FAM149B1: variants seen among roughly 807,000 people sequenced by gnomAD.
FAM149B1 encodes family with sequence similarity 149 member B1.
Under a neutral mutation model 75.3 loss-of-function variants are expected in FAM149B1, and 56 were observed. The ratio of observed to expected loss-of-function variants is 0.74; its 90% CI spans 0.60 to 0.93. FAM149B1 has a LOEUF of 0.93. Among genes scored for constraint, FAM149B1 ranks in the 40% least tolerant of loss-of-function variants. The pLI, the probability that FAM149B1 is intolerant of heterozygous loss-of-function variation, is 0.00. For synonymous variants in FAM149B1, 259 were observed against 256.1 expected (o/e 1.01, Z -0.11); for missense variants, 639 against 708.4 (o/e 0.90, Z 1.11).
chr10:73,171,532 CAT>C (rs1843715788), intron 1 of FAM149B1, among the ~76,000 whole-genome samples: 1 of 151,992 alleles, frequency 6.6e-6, no homozygotes, highest in Non-Finnish European at 1.5e-5. Flanking sequence ...CAAACATAAA[CAT>C]ATAGAGAATA....
At chr10:73,224,787 A>G (rs2133389737) in intron 7 of FAM149B1, among the ~76,000 whole-genome samples, 1 of 152,212 alleles carries the variant, frequency 6.6e-6, no homozygotes, top group Admixed American at 6.5e-5. Context: ...GTTATTTTGA[A>G]AAACAGGCAG....
chr10:73,180,018 A>G (rs1411061499), intron 3 of FAM149B1, among the ~76,000 whole-genome samples: 1 of 152,154 alleles, frequency 6.6e-6, no homozygotes, highest in Non-Finnish European at 1.5e-5. Context: ...GGCCTTGGGA[A>G]TATGGGGTGA....
chr10:73,208,636 A>G lies in FAM149B1; in HGVS notation c.560A>G (p.Lys187Arg), dbSNP rs1469354094. 3.3e-6 allele frequency: 5 copies of G among 1,532,678 alleles called. No homozygotes were observed. In the South Asian group the frequency reaches 6.2e-5, roughly 19 times the overall value. The allele number at this position is 1,532,678 out of a possible 1,614,324, so 94.9% of individuals were successfully genotyped here. ...ACTCCAAGATTTGGTATAAGGGGAA[A>G]GAAGTTACATTTTTCATCTTCTTAT... Reference protein sequence around the residue: ...RDSTIFGIRGKKLHFSSSYAH... With the variant: ...RDSTIFGIRGRKLHFSSSYAH... The change falls in exon 6 of 14, where the codon AAG becomes AGG. Residue 187 changes from lysine (K) to arginine (R), a missense_variant. By Grantham distance (26) the Lys-to-Arg change is conservative. Transcript: ENST00000242505.
In FAM149B1 at chr10:73,174,690, A is replaced by T. The variant is rs1017476453; in HGVS notation, c.51A>T (p.Lys17Asn). 3 of 1,545,512 alleles carry T rather than the reference A, an allele frequency of 1.9e-6. No homozygotes were observed. In the African/African-American group the frequency reaches 4.1e-5, roughly 21 times the overall value. The change falls in exon 2 of 14, where the codon AAA (lysine) becomes AAT (asparagine). Residue 17 changes from lysine to asparagine, a missense_variant. Lys to Asn is a moderately conservative substitution (Grantham distance 94, BLOSUM62 0). Transcript: ENST00000242505. ...AACTTTGTTTTGTCTTTCACAGGAA[A>T]GGAATAACAAAACATGCTCTTAACC... ...RKAVPQSLELKGITKHALNHH... is the reference protein window; with the variant it reads ...RKAVPQSLELNGITKHALNHH...
rs192585458 is a variant in FAM149B1 at position 73,230,710 on chromosome 10, A to G, written c.1127+185A>G. 1.1e-5 allele frequency: 6 copies of G among 528,038 alleles called. No individual in the cohort carries two copies. The Admixed American group carries it at 1.9e-4, about 17-fold the overall frequency. The allele number at this position is 528,038 out of a possible 1,614,324, so 32.7% of individuals were successfully genotyped here. A position where few individuals can be genotyped will look rare whatever the true frequency, so the allele number is the denominator to read the frequency against. On this transcript the variant is annotated intron_variant, in intron 9 of 13. Coordinates refer to ENST00000242505, the MANE Select transcript of FAM149B1 (RefSeq NM_173348.2). Reference sequence around the variant, plus strand: ...CTGATAATGTAACTGGAAAGAGAAGACATACGTGGGTAAAAAAAGACCTAA... The same window carrying G: ...CTGATAATGTAACTGGAAAGAGAAGGCATACGTGGGTAAAAAAAGACCTAA...
At position 73,243,901 on chromosome 10, in the gene FAM149B1, A is replaced by AT; in HGVS notation, c.*2885dup. The AT allele has an allele frequency of 6.2e-7, 1 of 1,614,118 alleles. No individual in the cohort carries two copies. The highest frequency in any genetic ancestry group is 1.1e-5 in the South Asian group (1 of 91,070). ...ATCAAGCCCCAACTCCTTTCTGCTC[A>AT]TTTCTGCTTCTTTGGCCTCTTCCTG... On this transcript the variant is annotated 3_prime_UTR_variant, in exon 14 of 14. Transcript: ENST00000242505.
At chr10:73,175,344 T>C (rs1278563355) in intron 2 of FAM149B1, among the ~76,000 whole-genome samples, 1 of 152,132 alleles carries the variant, frequency 6.6e-6, no homozygotes, top group Non-Finnish European at 1.5e-5. Context: ...TACTCCAGCC[T>C]GGGTGAAAGA....
intron 7 of FAM149B1, among the ~76,000 whole-genome samples, chr10:73,213,214 T>C (rs2043227025): frequency 6.6e-6 from 1 of 152,250 alleles, no homozygotes; most frequent in Non-Finnish European, 1.5e-5. Context: ...GAAATCCTTG[T>C]AGATTCTGGA....
intron 7 of FAM149B1, among the ~76,000 whole-genome samples, chr10:73,212,878 T>C (rs2043217439): frequency 6.6e-6 from 1 of 152,162 alleles, no homozygotes. Flanking sequence ...TCTCTCTCTC[T>C]GTCACCCAGG....
intron 5 of FAM149B1, among the ~76,000 whole-genome samples, chr10:73,203,637 A>G (rs975644251): frequency 1.4e-5 from 2 of 146,092 alleles, no homozygotes; most frequent in African/African-American, 5.4e-5. Context: ...CAATTCTGTG[A>G]TCATAATTTT....
intron 5 of FAM149B1, 34 bp downstream of exon 5, chr10:73,193,627 C>T (rs776486143): frequency 1.1e-4 from 166 of 1,537,656 alleles, no homozygotes; most frequent in Non-Finnish European, 1.4e-4. Context: ...CTTCAATGTG[C>T]CCTAATATGC....
chr10:73,220,708 G>T (rs926841536), intron 7 of FAM149B1, among the ~76,000 whole-genome samples: 1 of 152,170 alleles, frequency 6.6e-6, no homozygotes, highest in South Asian at 2.1e-4. Context: ...TGGTGTCCTT[G>T]TAAGAAGAGG....
rs555075017 is a variant in FAM149B1 at position 73,228,219 on chromosome 10, G to T, written c.1023+35G>T. The T allele has an allele frequency of 2.7e-5, 41 of 1,544,178 alleles. 1 individual carries two copies. The African/African-American group carries it at 4.9e-4, about 19-fold the overall frequency. On this transcript the variant is annotated intron_variant, in intron 8 of 13. Coordinates refer to ENST00000242505, the MANE Select transcript of FAM149B1 (RefSeq NM_173348.2). ...AGAGGGATCAGTTGGAGACCCCAGG[G>T]CTACTCTCACCAGAGGAAATTTGCT...
At position 73,208,602 on chromosome 10, in the gene FAM149B1, CT is replaced by C; in HGVS notation, c.543-11del. 2.7e-6 allele frequency: 4 copies of C among 1,471,454 alleles called. No homozygotes were observed. Among genetic ancestry groups the C allele is most frequent in the Non-Finnish European group, 1.8e-6 (2 of 1,097,100 alleles). The allele number at this position is 1,471,454 out of a possible 1,614,324, so 91.1% of individuals were successfully genotyped here. A position where few individuals can be genotyped will look rare whatever the true frequency, so the allele number is the denominator to read the frequency against. ...ATGTTTACATAATTAATATTTACTT[CT>C]TTTTTCCACTCCAAGATTTGGTATA... On this transcript the variant is annotated splice_polypyrimidine_tract_variant and intron_variant, in intron 5 of 13. Coordinates refer to ENST00000242505, the MANE Select transcript of FAM149B1 (RefSeq NM_173348.2).
Position 73,235,332 on chromosome 10 carries a change from C to T in FAM149B1, c.1602+14C>T. The T allele has an allele frequency of 1.3e-6, 2 of 1,551,516 alleles. No individual in the cohort carries two copies. The highest frequency in any genetic ancestry group is 1.7e-6 in the Non-Finnish European group (2 of 1,147,014). On this transcript the variant is annotated intron_variant, in intron 12 of 13. Coordinates refer to ENST00000242505, the MANE Select transcript of FAM149B1 (RefSeq NM_173348.2). ...CAATCATTTTTGGTAGAGTGACGTA[C>T]TTCCTAGAATGGTCTTGATAGTTGG...
rs72642250 is a variant in FAM149B1, at chr10:73,239,319, C to A, written c.1610C>A (p.Thr537Lys). ...TCCTCTTTTGTCTTGTAGCTGGATA[C>A]ACAGTATCGTCGCTCATGTGCAGTT... ...PNTTQSFLLDTQYRRSCAVEY... is the reference protein window; with the variant it reads ...PNTTQSFLLDKQYRRSCAVEY... Residue 537 changes from threonine to lysine, a missense_variant, in exon 13 of 14, where the codon ACA (threonine) becomes AAA (lysine). By Grantham distance (78) the Thr-to-Lys change is moderately conservative (BLOSUM62 -1). Coordinates refer to ENST00000242505, the MANE Select transcript of FAM149B1 (RefSeq NM_173348.2). 1.4e-3 allele frequency: 2,136 copies of A among 1,551,520 alleles called. 29 individuals are homozygous for A. In the East Asian group the frequency reaches 0.031, roughly 23 times the overall value.
At chr10:73,237,429 T>G (rs1279026364) in intron 12 of FAM149B1, among the ~76,000 whole-genome samples, 1 of 152,140 alleles carries the variant, frequency 6.6e-6, no homozygotes, top group African/African-American at 2.4e-5. Flanking sequence ...AACTTTTTTT[T>G]TTTTTGAGAC....
chr10:73,195,057 A>G (rs143422149), intron 5 of FAM149B1, among the ~76,000 whole-genome samples: 1,942 of 152,354 alleles, frequency 0.013, 30 homozygotes, highest in African/African-American at 0.038. Flanking sequence ...AAACCCAAAT[A>G]GGATTACTTT....
At chr10:73,193,839 A>G (rs982447017) in intron 5 of FAM149B1, among the ~76,000 whole-genome samples, 8 of 152,152 alleles carry the variant, frequency 5.3e-5, no homozygotes, top group African/African-American at 1.9e-4. Flanking sequence ...AGAATACCTG[A>G]AACTGGGTAA....
Sources: allele counts gnomAD v4.1 joint callset (sites outside exome capture counted in the v4.1 genomes callset), GRCh38; gene constraint gnomAD v4.1.1; transcripts MANE v1.5; gene names NCBI Gene and HGNC (gene_info 2026-07-23, HGNC 2026-07-21).